The following TCN2 variants were observed in gnomAD, a reference collection of about 807,000 sequenced individuals.
TCN2 encodes transcobalamin 2, also known as transcobalamin-2.
In TCN2, 34 loss-of-function variants were observed where a neutral mutation model predicts 48.6. The observed-to-expected ratio is 0.70, with a 90% CI of 0.53 to 0.93. The LOEUF (loss-of-function observed/expected upper bound fraction) is 0.93, where lower values mean the gene tolerates loss of function less well. Ranked by LOEUF, TCN2 falls within the 40% of genes least tolerant of loss-of-function variation. The probability of loss-of-function intolerance (pLI) is 0.00; values close to 1 mark genes in which losing one functional copy is unlikely to be tolerated. For synonymous variants in TCN2, 283 were observed against 212.5 expected (o/e 1.33, Z -2.89); for missense variants, 652 against 526.1 (o/e 1.24, Z -2.34).
intron 7 of TCN2, among the ~76,000 whole-genome samples, chr22:30,618,113 ATTTT>A (rs60134354): frequency 7.2e-5 from 9 of 124,280 alleles, no homozygotes; most frequent in Admixed American, 8.3e-5. Flanking sequence ...ACCCTGGGTA[ATTTT>A]TTTTTTTTTT....
At chr22:30,613,080 G>T (rs1428267822) in intron 3 of TCN2, 38 bp downstream of exon 3, 35 of 1,610,186 alleles carry the variant, frequency 2.2e-5, no homozygotes, top group Non-Finnish European at 2.7e-5. Flanking sequence ...GGGAGCAGCT[G>T]GGAGGGCTCA....
chr22:30,607,549 G>T (rs547415811), intron 1 of TCN2, among the ~76,000 whole-genome samples, 154 bp downstream of exon 1: 2 of 152,190 alleles, frequency 1.3e-5, no homozygotes, highest in Non-Finnish European at 2.9e-5. Context: ...TATTGTGATT[G>T]ATTATATGTT....
In TCN2 at chr22:30,612,946, G is replaced by A. The variant is rs778150805; in HGVS notation, c.331G>A (p.Ala111Thr). 67 of 1,614,156 alleles carry A rather than the reference G, an allele frequency of 4.2e-5. No homozygotes were observed. In the Admixed American group the frequency reaches 5.7e-4, roughly 14 times the overall value. ...GGGCCAGCTGGCCCTCTACCTGCTC[G>A]CTCTCAGAGCCAACTGTGAGTTTGT... is the stretch of plus-strand genomic sequence containing the variant. Reference protein sequence around the residue: ...SMGQLALYLLALRANCEFVRG... With the variant: ...SMGQLALYLLTLRANCEFVRG... Residue 111 changes from alanine (A) to threonine (T), a missense_variant, in exon 3 of 9, where the codon GCT (alanine) becomes ACT (threonine). Transcript: ENST00000215838.
At position 30,622,971 on chromosome 22, in the gene TCN2, T is replaced by C. The variant is rs369589347; in HGVS notation, c.1110T>C (p.Tyr370=). The change falls in exon 8 of 9, where the codon TAT becomes TAC. Residue 370 remains tyrosine, a synonymous_variant. Coordinates refer to ENST00000215838, the MANE Select transcript of TCN2 (RefSeq NM_000355.4). ...CATTTGCCTTTCCCTTCTGTAGATATGAAACACAGGCCTCCTTGTCAGGCC... is the reference window on the plus strand; with the variant it reads ...CATTTGCCTTTCCCTTCTGTAGATACGAAACACAGGCCTCCTTGTCAGGCC... ...KKAHELGGFT[Y]ETQASLSGPY... 43 of 1,613,986 alleles carry C rather than the reference T, an allele frequency of 2.7e-5. No homozygotes were observed. Among genetic ancestry groups the C allele is most frequent in the Middle Eastern group, 1.6e-4 (1 of 6,084 alleles).
At position 30,611,016 on chromosome 22, in the gene TCN2, C is replaced by T. The variant is rs148829072; in HGVS notation, c.210C>T (p.Asp70=). ...GTCTGCAGGCTGGGACCAAGGAAGA[C>T]CTCTACCTGCACAGCCTCAAGCTTG... ...LSSLQAGTKE[D]LYLHSLKLGY... The change falls in exon 2 of 9, where the codon GAC becomes GAT. Residue 70 remains aspartate (D), a synonymous_variant. Coordinates refer to ENST00000215838, the MANE Select transcript of TCN2 (RefSeq NM_000355.4). 111 of 1,614,036 alleles carry T rather than the reference C, an allele frequency of 6.9e-5. No homozygotes were observed. Among genetic ancestry groups the T allele is most frequent in the Middle Eastern group, 3.3e-4 (2 of 6,084 alleles).
rs779788794 is a variant in TCN2 at position 30,610,846 on chromosome 22, CATTTGTACCAT to C, written c.65-24_65-14del. ...TGCTGGTGGCCTGGCCCTGTGACCT[CATTTGTACCAT>C]TTTCTTTTCTAAGAAATACCAGAGA... On this transcript the variant is annotated splice_polypyrimidine_tract_variant and intron_variant, in intron 1 of 8. Coordinates refer to ENST00000215838, the MANE Select transcript of TCN2 (RefSeq NM_000355.4). 1 of 1,614,048 alleles carries C rather than the reference CATTTGTACCAT, an allele frequency of 6.2e-7. No individual in the cohort carries two copies. The highest frequency in any genetic ancestry group is 1.1e-5 in the South Asian group (1 of 91,082).
intron 1 of TCN2, among the ~76,000 whole-genome samples, chr22:30,608,884 G>A (rs911025266): frequency 2.6e-5 from 4 of 152,198 alleles, no homozygotes; most frequent in African/African-American, 9.6e-5. Flanking sequence ...CCCCACAGGA[G>A]CCCCAATCCC....
chr22:30,625,092 C>T (rs1352825526), intron 8 of TCN2, among the ~76,000 whole-genome samples: 1 of 152,096 alleles, frequency 6.6e-6, no homozygotes, highest in Non-Finnish European at 1.5e-5. Context: ...GTGGCGGGCA[C>T]CTGTAATCCC....
chr22:30,623,857 C>CACACATACACACACATAT (rs1569046655), intron 8 of TCN2, among the ~76,000 whole-genome samples: 1 of 24,090 alleles, frequency 4.2e-5, no homozygotes, highest in Non-Finnish European at 7.3e-5. Flanking sequence ...CATACACATA[C>CACACATACACACACATAT]ATACACACAT....
At position 30,619,278 on chromosome 22, in the gene TCN2, T is replaced by C. The variant is rs537609795; in HGVS notation, c.1106+1783T>C. On this transcript the variant is annotated intron_variant, in intron 7 of 8. Coordinates refer to ENST00000215838, the MANE Select transcript of TCN2 (RefSeq NM_000355.4). ...AATTTTTTGTAGACATGGGATTGCT[T>C]CATGTTGCCCAGACTGGTCTCAAAC... is the stretch of plus-strand genomic sequence containing the variant. Among the ~76,000 whole-genome samples the C allele has an allele frequency of 1.2e-3, 186 of 152,120 alleles. 1 individual carries two copies. The highest frequency in any genetic ancestry group is 4.0e-3 in the African/African-American group (168 of 41,490).
intron 8 of TCN2, among the ~76,000 whole-genome samples, chr22:30,625,073 C>T (rs1160939240): frequency 6.6e-6 from 1 of 152,110 alleles, no homozygotes; most frequent in African/African-American, 2.4e-5. Context: ...AAAAAATTAG[C>T]TGGGGGTGGT....
chr22:30,617,176 G>A (rs1020618813), intron 6 of TCN2, among the ~76,000 whole-genome samples, 154 bp from the exon 7 acceptor site: 4 of 152,084 alleles, frequency 2.6e-5, no homozygotes, highest in Non-Finnish European at 4.4e-5. Context: ...CGGGATGGAA[G>A]CCAGGTTTCA....
At position 30,612,988 on chromosome 22, in the gene TCN2, G is replaced by A. The variant is rs1375273786; in HGVS notation, c.373G>A (p.Asp125Asn). The change falls in exon 3 of 9, where the codon GAC becomes AAC. Residue 125 changes from aspartate to asparagine, a missense_variant. Asp to Asn is a conservative substitution (Grantham distance 23, BLOSUM62 1). Transcript: ENST00000215838. ...NCEFVRGHKG[D>N]RLVSQLKWFL... ...TGAGTTTGTCAGGGGCCACAAGGGG[G>A]ACAGGCTGGTCTCACAGCTCAAATG... is the stretch of plus-strand genomic sequence containing the variant. The A allele has an allele frequency of 6.2e-7, 1 of 1,614,090 alleles. No individual in the cohort carries two copies. The highest frequency in any genetic ancestry group is 1.7e-5 in the Admixed American group (1 of 60,004).
In TCN2 at chr22:30,617,370, A is replaced by G; in HGVS notation, c.981A>G (p.Gln327=). 2.5e-6 allele frequency: 4 copies of G among 1,614,070 alleles called. No individual in the cohort carries two copies. The highest frequency in any genetic ancestry group is 1.6e-4 in the Middle Eastern group (1 of 6,062). ...EPAAETIPQT[Q]EIISVTLQVL... is the part of the protein sequence containing the mutation. ...CTGCTGAGACCATTCCTCAGACCCA[A>G]GAGATCATCAGTGTCACGCTGCAGG... The change falls in exon 7 of 9, where the codon CAA becomes CAG. Residue 327 remains glutamine (Q), a synonymous_variant. Transcript: ENST00000215838.
At chr22:30,616,025 T>TCGGA (rs1254030087) in intron 6 of TCN2, among the ~76,000 whole-genome samples, 1 of 149,364 alleles carries the variant, frequency 6.7e-6, no homozygotes, top group Non-Finnish European at 1.5e-5. Flanking sequence ...ACAGAAATGT[T>TCGGA]TGGATGGATG....
intron 1 of TCN2, 35 bp from the exon 2 acceptor site, chr22:30,610,836 C>T (rs771236064): frequency 6.2e-7 from 1 of 1,612,442 alleles, no homozygotes; most frequent in Non-Finnish European, 8.5e-7. Context: ...GTGGCCTGGC[C>T]CTGTGACCTC....
At chr22:30,613,406 A>T (rs1179465774) in intron 3 of TCN2, among the ~76,000 whole-genome samples, 1 of 152,112 alleles carries the variant, frequency 6.6e-6, no homozygotes, top group African/African-American at 2.4e-5. Context: ...CAGCCTCCTG[A>T]GTAGCTGGGA....
intron 8 of TCN2, chr22:30,623,408 A>AATG: frequency 3.6e-6 from 1 of 278,846 alleles, no homozygotes; most frequent in Non-Finnish European, 7.0e-6. Flanking sequence ...GCTGGAGTGC[A>AATG]GCGGTATGAT....
At chr22:30,607,577 A>G (rs2087471836) in intron 1 of TCN2, among the ~76,000 whole-genome samples, 182 bp downstream of exon 1, 1 of 152,202 alleles carries the variant, frequency 6.6e-6, no homozygotes, top group Non-Finnish European at 1.5e-5. Flanking sequence ...TCACCAGACA[A>G]GATCTCCGTT....
Sources: allele counts gnomAD v4.1 joint callset (sites outside exome capture counted in the v4.1 genomes callset), GRCh38; gene constraint gnomAD v4.1.1; transcripts MANE v1.5; gene names NCBI Gene and HGNC (gene_info 2026-07-23, HGNC 2026-07-21).